Variants in CLPX observed in about 807,000 individuals in gnomAD.
The protein encoded by CLPX is ATP-dependent clpX-like chaperone, mitochondrial.
A neutral mutation model predicts 76.4 loss-of-function variants in CLPX; 34 were observed. The ratio of observed to expected loss-of-function variants is 0.45; its 90% CI spans 0.34 to 0.59. CLPX has a LOEUF of 0.59. Ranked by LOEUF, CLPX falls within the 20% of genes least tolerant of loss-of-function variation. The pLI is 0.01. For synonymous variants in CLPX, 248 were observed against 270.9 expected, an observed-to-expected ratio of 0.92 and a Z score of 0.83; for missense variants, 613 against 757.0, an observed-to-expected ratio of 0.81 and a Z score of 2.23.
At chr15:65,181,255 G>A (rs1361925539) in intron 1 of CLPX, among the ~76,000 whole-genome samples, 1 of 151,982 alleles carries the variant, frequency 6.6e-6, no homozygotes. Flanking sequence ...GTGGTACTTA[G>A]AAGGCAAAAT....
At chr15:65,160,806 G>A (rs1484823943) in intron 6 of CLPX, among the ~76,000 whole-genome samples, 2 of 152,130 alleles carry the variant, frequency 1.3e-5, no homozygotes, top group African/African-American at 4.8e-5. Flanking sequence ...CCCATTTTAT[G>A]AGTATATGCC....
In CLPX at chr15:65,155,181, T is replaced by C. The variant is rs376399690; in HGVS notation, c.1312-100A>G. ...TCATATGATCTTTGTAACAACTCTA[T>C]GAAGAAGGTTTTATTATCATTTACA... On this transcript the variant is annotated intron_variant, in intron 10 of 13. Transcript: ENST00000300107. 846 of 1,031,220 alleles carry C rather than the reference T, an allele frequency of 8.2e-4. 10 individuals carry two copies. In the South Asian group the frequency reaches 0.013, roughly 16 times the overall value. 63.9% of individuals were successfully genotyped at this position (1,031,220 alleles called of 1,614,324 possible). A position where few individuals can be genotyped will look rare whatever the true frequency, so the allele number is the denominator to read the frequency against.
chr15:65,157,236 G>A (rs2087801580), intron 8 of CLPX, among the ~76,000 whole-genome samples: 1 of 152,170 alleles, frequency 6.6e-6, no homozygotes, highest in South Asian at 2.1e-4. Flanking sequence ...TATCTGCAGT[G>A]CTAGTATTAA....
intron 3 of CLPX, among the ~76,000 whole-genome samples, chr15:65,171,534 G>A (rs191785144): frequency 5.2e-4 from 79 of 152,102 alleles, no homozygotes; most frequent in African/African-American, 1.7e-3. Flanking sequence ...TGCTGATCAC[G>A]TATAAATGCT....
At chr15:65,168,383 CAAAAAAAAAAAA>C (rs71136319) in intron 3 of CLPX, among the ~76,000 whole-genome samples, 5 of 35,666 alleles carry the variant, frequency 1.4e-4, no homozygotes, top group South Asian at 2.2e-3. Context: ...GACTCTGTCT[CAAAAAAAAAAAA>C]AAAAAAAAAA....
rs779469503 is a variant in CLPX, at chr15:65,169,024, C to CTTT, written c.359-2242_359-2240dup. On this transcript the variant is annotated intron_variant, in intron 3 of 13. Transcript: ENST00000300107. ...AGGCACACGCCACCACGCCTGCCTA[C>CTTT]TTTTTTTTTTTTTTTTTGAGATGGA... is the stretch of plus-strand genomic sequence containing the variant. 9.6e-5 allele frequency among the ~76,000 whole-genome samples: 13 copies of CTTT among 135,460 alleles called. No individual in the cohort carries two copies. The South Asian group carries it at 1.7e-3, about 17-fold the overall frequency. The allele number at this position is 135,460 out of a possible 152,430, so 88.9% of individuals were successfully genotyped here. A position where few individuals can be genotyped will look rare whatever the true frequency, so the allele number is the denominator to read the frequency against.
chr15:65,177,627 T>C (rs956004536), intron 3 of CLPX, among the ~76,000 whole-genome samples: 14 of 152,170 alleles, frequency 9.2e-5, no homozygotes, highest in Non-Finnish European at 2.1e-4. Flanking sequence ...CTTTCTTCAA[T>C]TGGATTGTAT....
chr15:65,151,456 GAAAAAAAAA>G (rs529752332), intron 13 of CLPX, among the ~76,000 whole-genome samples: 1 of 74,596 alleles, frequency 1.3e-5, no homozygotes, highest in Non-Finnish European at 2.4e-5. Flanking sequence ...ATTACTGGGA[GAAAAAAAAA>G]AAAAAAAAAA....
rs189179545 is a variant in CLPX at position 65,177,362 on chromosome 15, C to T, written c.358+1572G>A. Reference sequence around the variant, plus strand: ...GTGATTACTGGTGTGAGCCACAGCGCCTGGCCCACTTTCATTTTATGTTGT... The same window carrying T: ...GTGATTACTGGTGTGAGCCACAGCGTCTGGCCCACTTTCATTTTATGTTGT... On this transcript the variant is annotated intron_variant, in intron 3 of 13. Transcript: ENST00000300107. Among the ~76,000 whole-genome samples, 109 of 152,292 alleles carry T rather than the reference C, an allele frequency of 7.2e-4. 1 individual carries two copies. Among genetic ancestry groups the T allele is most frequent in the African/African-American group, 2.6e-3 (107 of 41,564 alleles).
chr15:65,180,163 G>A lies in CLPX; in HGVS notation c.121C>T (p.Leu41Phe), dbSNP rs762718099. Residue 41 changes from leucine to phenylalanine, a missense_variant, in exon 2 of 14, where the codon CTT becomes TTT. Leu to Phe is a conservative substitution (Grantham distance 22, BLOSUM62 0). Coordinates refer to ENST00000300107, the MANE Select transcript of CLPX (RefSeq NM_006660.5). ...AGAATCTGAGTTTCAAATGTCCCAAGCCTTCCTAAAACTGACATATGAATG... is the reference window on the plus strand; with the variant it reads ...AGAATCTGAGTTTCAAATGTCCCAAACCTTCCTAAAACTGACATATGAATG... ...GRIHMSVLGRLGTFETQILQR... is the reference protein window; with the variant it reads ...GRIHMSVLGRFGTFETQILQR... The A allele has an allele frequency of 8.1e-5, 130 of 1,608,098 alleles. 3 individuals carry two copies. The South Asian group carries it at 1.4e-3, about 17-fold the overall frequency.
At chr15:65,162,485 C>T (rs891316196) in intron 6 of CLPX, 119 bp downstream of exon 6, 1 of 630,222 alleles carries the variant, frequency 1.6e-6, no homozygotes, top group Non-Finnish European at 2.8e-6. Context: ...TAATACGTAT[C>T]TTTCTTGGTA....
Position 65,178,992 on chromosome 15 carries a change from T to G in CLPX, c.300A>C (p.Gly100=). The part of the protein sequence containing the change: ...KSGSGNSGKG[G]NQLRCPKCGD... The stretch of plus-strand genomic sequence containing the variant: ...CACATTTAGGACAGCGCAGCTGGTT[T>G]CCACCTTTCCCAGAATTCCCAGAGC... Residue 100 remains glycine, a synonymous_variant, in exon 3 of 14, where the codon GGA becomes GGC. Coordinates refer to ENST00000300107, the MANE Select transcript of CLPX (RefSeq NM_006660.5). 1.2e-6 allele frequency: 2 copies of G among 1,612,390 alleles called. No homozygotes were observed. The highest frequency in any genetic ancestry group is 1.7e-6 in the Non-Finnish European group (2 of 1,178,744).
At chr15:65,160,641 A>G (rs948903966) in intron 6 of CLPX, among the ~76,000 whole-genome samples, 5 of 151,674 alleles carry the variant, frequency 3.3e-5, no homozygotes, top group African/African-American at 1.2e-4. Context: ...ACACACACAC[A>G]CACACACACA....
At chr15:65,168,795 G>A (rs1176244510) in intron 3 of CLPX, among the ~76,000 whole-genome samples, 1 of 151,510 alleles carries the variant, frequency 6.6e-6, no homozygotes, top group Non-Finnish European at 1.5e-5. Flanking sequence ...CATTTATAAG[G>A]ATTTCTCAAT....
intron 1 of CLPX, among the ~76,000 whole-genome samples, chr15:65,182,204 A>G (rs1011953129): frequency 2.0e-5 from 3 of 152,108 alleles, no homozygotes; most frequent in African/African-American, 7.2e-5. Context: ...ATGACCATTC[A>G]CCAATCATAA....
chr15:65,178,714 T>C (rs2088122735), intron 3 of CLPX, among the ~76,000 whole-genome samples: 1 of 151,774 alleles, frequency 6.6e-6, no homozygotes, highest in Admixed American at 6.6e-5. Flanking sequence ...TTTTTTTTTT[T>C]TGGAAAGACA....
At chr15:65,159,484 C>T (rs1269455513) in intron 6 of CLPX, among the ~76,000 whole-genome samples, 1 of 152,134 alleles carries the variant, frequency 6.6e-6, no homozygotes, top group African/African-American at 2.4e-5. Flanking sequence ...ATGGCACGCG[C>T]CTATAGTCCC....
Position 65,152,451 on chromosome 15 carries a change from T to C in CLPX, c.1790A>G (p.Lys597Arg). The C allele has an allele frequency of 6.4e-7, 1 of 1,554,122 alleles. No homozygotes were observed. The highest frequency in any genetic ancestry group is 1.7e-4 in the Middle Eastern group (1 of 5,836). ...VEVDKEVVEG[K>R]KEPGYIRAPT... The stretch of plus-strand genomic sequence containing the variant: ...TTACCGGATGTATCCTGGTTCCTTT[T>C]TTCCTTCTACTACTTCTTTGTCAAC... Residue 597 changes from lysine (K) to arginine (R), a missense_variant, in exon 13 of 14, where the codon AAA becomes AGA. Transcript: ENST00000300107.
rs1360548192 is a variant in CLPX, at chr15:65,168,672, C to T, written c.359-1887G>A. 4.0e-5 allele frequency among the ~76,000 whole-genome samples: 6 copies of T among 151,262 alleles called. No individual in the cohort carries two copies. The South Asian group carries it at 8.3e-4, about 21-fold the overall frequency. ...AAATGATGAGTTAACGGGTGCAGCA[C>T]ACCAACATGGCACATGTATACCTAT... On this transcript the variant is annotated intron_variant, in intron 3 of 13. Coordinates refer to ENST00000300107, the MANE Select transcript of CLPX (RefSeq NM_006660.5).
Sources: allele counts gnomAD v4.1 joint callset (sites outside exome capture counted in the v4.1 genomes callset), GRCh38; gene constraint gnomAD v4.1.1; transcripts MANE v1.5; gene names NCBI Gene and HGNC (gene_info 2026-07-23, HGNC 2026-07-21).